ATP1A4: variants seen among roughly 807,000 people sequenced by gnomAD.
ATP1A4 encodes the protein ATPase Na+/K+ transporting subunit alpha 4.
A neutral mutation model predicts 114.3 loss-of-function variants in ATP1A4; 90 were observed. The ratio of observed to expected loss-of-function variants is 0.79; its 90% confidence interval spans 0.66 to 0.94. The LOEUF (loss-of-function observed/expected upper bound fraction) is 0.94, where lower values mean the gene tolerates loss of function less well. Among genes scored for constraint, ATP1A4 ranks in the 40% least tolerant of loss-of-function variants. The probability of loss-of-function intolerance (pLI) is 0.00; values close to 1 mark genes in which losing one functional copy is unlikely to be tolerated. For synonymous variants in ATP1A4, 511 were observed against 494.1 expected, an observed-to-expected ratio of 1.03 and a Z score of -0.45; for missense variants, 1,222 against 1,313.6, an observed-to-expected ratio of 0.93 and a Z score of 1.08.
At position 160,151,966 on chromosome 1, in the gene ATP1A4, C is replaced by T. The variant is rs564642725; in HGVS notation, c.-75C>T. The T allele has an allele frequency of 1.6e-5, 24 of 1,542,758 alleles. No individual in the cohort carries two copies. The highest frequency in any genetic ancestry group is 1.4e-4 in the South Asian group (11 of 79,478). ...CGTGGCCCCCTTGCCCGCGCGCCCT[C>T]TTCCCTTCCCCTTGCCTCACTCTCT... On this transcript the variant is annotated 5_prime_UTR_variant, in exon 1 of 22. Transcript: ENST00000368081.
rs1653455661 is a variant in ATP1A4, at chr1:160,176,140, C to A, written c.2360C>A (p.Thr787Asn). ...NLKKSIMYTL[T>N]SNIPEITPFL... ...AAGAAATCCATCATGTACACCCTGA[C>A]CAGCAACATCCCCGAGATCACGCCC... The change falls in exon 16 of 22, where the codon ACC (threonine) becomes AAC (asparagine). Residue 787 changes from threonine (T) to asparagine (N), a missense_variant. Transcript: ENST00000368081. 6.2e-7 allele frequency: 1 copy of A among 1,614,084 alleles called. No homozygotes were observed. Among genetic ancestry groups the A allele is most frequent in the East Asian group, 2.2e-5 (1 of 44,870 alleles).
rs769485753 is a variant in ATP1A4 at position 160,173,677 on chromosome 1, G to A, written c.1951G>A (p.Ala651Thr). Residue 651 changes from alanine to threonine, a missense_variant, in exon 13 of 22, where the codon GCT (alanine) becomes ACT (threonine). Transcript: ENST00000368081. ...AGGCACTGAGACGGCAGAGGAAGTC[G>A]CTGCCCGGCTTAAGATCCCTATCAG... Reference protein sequence around the residue: ...SEGTETAEEVAARLKIPISKV... With the variant: ...SEGTETAEEVTARLKIPISKV... 2.0e-5 allele frequency: 32 copies of A among 1,614,000 alleles called. No individual in the cohort carries two copies. Among genetic ancestry groups the A allele is most frequent in the Middle Eastern group, 1.6e-4 (1 of 6,084 alleles).
At chr1:160,171,196 C>T in intron 10 of ATP1A4, 55 bp from the exon 11 acceptor site, 1 of 1,483,976 alleles carries the variant, frequency 6.7e-7, no homozygotes, top group Non-Finnish European at 9.1e-7. Context: ...TTCTTTTTGC[C>T]CCTGATCCTT....
chr1:160,173,522 A>G, intron 12 of ATP1A4, 59 bp from the exon 13 acceptor site: 5 of 1,586,074 alleles, frequency 3.2e-6, no homozygotes, highest in Non-Finnish European at 4.3e-6. Context: ...GAGGAGAAAA[A>G]TGAAGGATCC....
chr1:160,181,628 T>A (rs1653707732), intron 18 of ATP1A4, 56 bp from the exon 19 acceptor site: 3 of 1,601,852 alleles, frequency 1.9e-6, no homozygotes, highest in Non-Finnish European at 2.6e-6. Flanking sequence ...GAAAGAAGCC[T>A]TAGGGTGTAC....
chr1:160,158,948 T>G, intron 4 of ATP1A4, 54 bp from the exon 5 acceptor site: 1 of 1,569,452 alleles, frequency 6.4e-7, no homozygotes, highest in Non-Finnish European at 8.7e-7. Context: ...AGGCTAAGAG[T>G]GGGATGAGGA....
At chr1:160,183,973 G>T (rs1437149710) in intron 20 of ATP1A4, among the ~76,000 whole-genome samples, 4 of 132,036 alleles carry the variant, frequency 3.0e-5, no homozygotes, top group African/African-American at 1.1e-4. Context: ...TTTTTTTTGA[G>T]ATGGAGTGTC....
At chr1:160,169,773 C>G (rs1361347495) in intron 10 of ATP1A4, 1 of 152,166 alleles carries the variant, frequency 6.6e-6, no homozygotes, top group Non-Finnish European at 1.5e-5. Context: ...CCACATTTCT[C>G]TCTCCTTGCT....
At chr1:160,171,128 G>A (rs1653239117) in intron 10 of ATP1A4, 123 bp from the exon 11 acceptor site, 2 of 854,390 alleles carry the variant, frequency 2.3e-6, no homozygotes, top group East Asian at 5.0e-5. Flanking sequence ...CTGGGGAGGG[G>A]AGGGAACAAA....
Position 160,174,261 on chromosome 1 carries a change from G to C in ATP1A4, c.2142G>C (p.Leu714=). 1 of 1,614,050 alleles carries C rather than the reference G, an allele frequency of 6.2e-7. No individual in the cohort carries two copies. Among genetic ancestry groups the C allele is most frequent in the Non-Finnish European group, 8.5e-7 (1 of 1,180,000 alleles). ...TCATTGTCGAGGGATGTCAGAGGCT[G>C]GTAAGGAACGAAAAGGAGCCCCAAG... is the stretch of plus-strand genomic sequence containing the variant. ...KLIIVEGCQR[L]GAVVAVTGDG... Residue 714 remains leucine, a splice_region_variant and synonymous_variant, in exon 14 of 22, where the codon CTG becomes CTC. Transcript: ENST00000368081.
intron 17 of ATP1A4, 73 bp from the exon 18 acceptor site, chr1:160,177,446 C>A (rs1343390956): frequency 1.3e-6 from 2 of 1,550,268 alleles, no homozygotes; most frequent in African/African-American, 1.4e-5. Flanking sequence ...CAGCCCCCAG[C>A]CCTCCCCTGG....
intron 7 of ATP1A4, among the ~76,000 whole-genome samples, chr1:160,166,047 ATC>A (rs1653019060): frequency 6.6e-6 from 1 of 152,168 alleles, no homozygotes; most frequent in Admixed American, 6.5e-5. Flanking sequence ...AGGCATGCAG[ATC>A]ACTTGAGCCC....
rs181284059 is a variant in ATP1A4 at position 160,174,585 on chromosome 1, G to T, written c.2149G>T (p.Val717Phe). The part of the protein sequence containing the change: ...IVEGCQRLGA[V>F]VAVTGDGVND... ...TCTGTCTGGACTTCCTCAGGGAGCC[G>T]TTGTGGCCGTGACAGGTGACGGGGT... The change falls in exon 15 of 22, where the codon GTT becomes TTT. Residue 717 changes from valine to phenylalanine, a missense_variant. Coordinates refer to ENST00000368081, the MANE Select transcript of ATP1A4 (RefSeq NM_144699.4). The T allele has an allele frequency of 1.9e-6, 3 of 1,613,558 alleles. No individual in the cohort carries two copies. In the East Asian group the frequency reaches 6.7e-5, roughly 36 times the overall value.
chr1:160,170,949 C>T lies in ATP1A4; in HGVS notation c.1492-302C>T, dbSNP rs144783614. ...CTTTGCCAGCCCCACTATTTCTGCT[C>T]TCTCGCCATCCAGTTGGCAAGGATG... On this transcript the variant is annotated intron_variant, in intron 10 of 21. Transcript: ENST00000368081. 3.5e-3 allele frequency: 960 copies of T among 271,884 alleles called. 11 individuals carry two copies. The highest frequency in any genetic ancestry group is 0.02 in the African/African-American group (901 of 45,572). 16.8% of individuals were successfully genotyped at this position (271,884 alleles called of 1,614,324 possible). A position where few individuals can be genotyped will look rare whatever the true frequency, so the allele number is the denominator to read the frequency against.
intron 11 of ATP1A4, 56 bp downstream of exon 11, chr1:160,171,496 C>CTG (rs201049525): frequency 1.2e-6 from 2 of 1,602,774 alleles, no homozygotes; most frequent in Non-Finnish European, 1.7e-6. Flanking sequence ...GTTATTATCC[C>CTG]TGGGGTGAGA....
At chr1:160,153,967 C>G (rs540367864) in intron 2 of ATP1A4, among the ~76,000 whole-genome samples, 1 of 152,094 alleles carries the variant, frequency 6.6e-6, no homozygotes, top group Non-Finnish European at 1.5e-5. Flanking sequence ...TTGGCAGGTT[C>G]TACTATCATT....
In ATP1A4 at chr1:160,164,409, G is replaced by A; in HGVS notation, c.1032G>A (p.Leu344=). The A allele has an allele frequency of 1.9e-6, 3 of 1,614,160 alleles. No individual in the cohort carries two copies. The highest frequency in any genetic ancestry group is 2.5e-6 in the Non-Finnish European group (3 of 1,180,006). ...TTGTGGCCAATGTGCCTGAGGGGCT[G>A]TTGGCCACAGTCACTGTGAGTAGAC... The part of the protein sequence containing the change: ...GIIVANVPEG[L]LATVTVCLTL... Residue 344 remains leucine, a synonymous_variant, in exon 7 of 22, where the codon CTG becomes CTA. Transcript: ENST00000368081.
intron 16 of ATP1A4, 97 bp downstream of exon 16, chr1:160,176,343 C>T (rs1270037830): frequency 6.3e-7 from 1 of 1,585,560 alleles, no homozygotes; most frequent in Non-Finnish European, 8.6e-7. Flanking sequence ...TCATGACAAC[C>T]CACTTATGAT....
chr1:160,174,333 G>A, intron 14 of ATP1A4, 72 bp downstream of exon 14: 6 of 1,597,526 alleles, frequency 3.8e-6, no homozygotes, highest in Non-Finnish European at 5.1e-6. Flanking sequence ...AAACCAAGCA[G>A]AGGAACATGT....
Sources: allele counts gnomAD v4.1 joint callset (sites outside exome capture counted in the v4.1 genomes callset), GRCh38; gene constraint gnomAD v4.1.1; transcripts MANE v1.5; gene names NCBI Gene and HGNC (gene_info 2026-07-23, HGNC 2026-07-21).